Variants in APBA2 observed in about 807,000 individuals in gnomAD.
The protein encoded by APBA2 is amyloid-beta A4 precursor protein-binding family A member 2.
A neutral mutation model predicts 75.0 loss-of-function variants in APBA2; 30 were observed. That is an observed-to-expected ratio of 0.40 (90% confidence interval 0.30 to 0.54). APBA2 has a LOEUF of 0.54. Among genes scored for constraint, APBA2 ranks in the 20% least tolerant of loss-of-function variants. APBA2 has a pLI of 0.49. For missense variants in APBA2, 801 were observed against 1,016.1 expected, an observed-to-expected ratio of 0.79 and a Z score of 2.88; for synonymous variants, 444 against 409.6, an observed-to-expected ratio of 1.08 and a Z score of -1.01.
At position 29,061,953 on chromosome 15, in the gene APBA2, A is replaced by T. The variant is rs548412643; in HGVS notation, c.951+7118A>T. On this transcript the variant is annotated intron_variant, in intron 4 of 14. Coordinates refer to ENST00000683413, the MANE Select transcript of APBA2 (RefSeq NM_001353788.2). ...GTGTGGTGGGGCAGCAGGTGTGCAG[A>T]TGGGGTGGTCCTGCACAGAGGGGCT... Among the ~76,000 whole-genome samples the T allele has an allele frequency of 2.2e-3, 341 of 152,224 alleles. 2 individuals carry two copies. Among genetic ancestry groups the T allele is most frequent in the African/African-American group, 7.9e-3 (329 of 41,518 alleles).
intron 1 of APBA2, among the ~76,000 whole-genome samples, chr15:28,896,312 T>C (rs2032483609): frequency 6.6e-6 from 1 of 152,166 alleles, no homozygotes; most frequent in South Asian, 2.1e-4. Context: ...CAGAGTCTCA[T>C]TCTGTCGCCC....
chr15:28,972,134 C>T (rs2037101675), intron 2 of APBA2, among the ~76,000 whole-genome samples: 1 of 151,966 alleles, frequency 6.6e-6, no homozygotes, highest in African/African-American at 2.4e-5. Flanking sequence ...GATAAGGTTC[C>T]CCAAAGGGAT....
intron 6 of APBA2, among the ~76,000 whole-genome samples, chr15:29,088,989 C>T (rs991335650): frequency 1.3e-5 from 2 of 152,182 alleles, no homozygotes; most frequent in Admixed American, 6.5e-5. Flanking sequence ...TTGATTCCTT[C>T]TCCTCCTCCA....
At chr15:28,929,278 C>CCT (rs1410759738) in intron 2 of APBA2, among the ~76,000 whole-genome samples, 4 of 152,178 alleles carry the variant, frequency 2.6e-5, no homozygotes, top group African/African-American at 9.7e-5. Flanking sequence ...CACAAGACAG[C>CCT]CTGGCACATT....
At chr15:28,943,075 C>T (rs751008913) in intron 2 of APBA2, among the ~76,000 whole-genome samples, 8 of 152,344 alleles carry the variant, frequency 5.3e-5, no homozygotes, top group African/African-American at 7.2e-5. Context: ...TCCTTCCTCA[C>T]GCGGTTCCTT....
chr15:28,951,412 C>T (rs1164809248), intron 2 of APBA2, among the ~76,000 whole-genome samples: 1 of 152,124 alleles, frequency 6.6e-6, no homozygotes, highest in Non-Finnish European at 1.5e-5. Flanking sequence ...TCAGCTATTT[C>T]TGCAAGGATC....
At chr15:29,110,739 C>G (rs2044682410) in intron 13 of APBA2, among the ~76,000 whole-genome samples, 1 of 152,114 alleles carries the variant, frequency 6.6e-6, no homozygotes, top group Non-Finnish European at 1.5e-5. Flanking sequence ...GGGAAGGACT[C>G]CGGTTTGTGT....
intron 6 of APBA2, among the ~76,000 whole-genome samples, chr15:29,081,026 T>G (rs1481133591): frequency 6.6e-6 from 1 of 152,186 alleles, no homozygotes; most frequent in Non-Finnish European, 1.5e-5. Context: ...CAGCTCCGTG[T>G]GGATCATGTG....
chr15:29,014,049 C>T (rs114240977), intron 3 of APBA2, among the ~76,000 whole-genome samples: 1,577 of 152,312 alleles, frequency 0.01, 28 homozygotes, highest in African/African-American at 0.035. Flanking sequence ...TTTGTGTCAT[C>T]TACAGTTCTG....
At chr15:29,038,451 G>C (rs1010435232) in intron 3 of APBA2, among the ~76,000 whole-genome samples, 8 of 152,128 alleles carry the variant, frequency 5.3e-5, no homozygotes, top group African/African-American at 1.9e-4. Flanking sequence ...GTATGGGTTG[G>C]TTTCCTGTCC....
At chr15:28,906,048 AC>A (rs2033116199) in intron 1 of APBA2, among the ~76,000 whole-genome samples, 1 of 151,790 alleles carries the variant, frequency 6.6e-6, no homozygotes, top group African/African-American at 2.4e-5. Flanking sequence ...GAAATATTTT[AC>A]TTGTCTTTTA....
At chr15:28,987,268 A>T (rs1346422893) in intron 2 of APBA2, among the ~76,000 whole-genome samples, 1 of 152,234 alleles carries the variant, frequency 6.6e-6, no homozygotes, top group African/African-American at 2.4e-5. Context: ...GCCAACACTT[A>T]GTGGTATAAA....
chr15:29,076,396 T>C (rs2042852429), intron 6 of APBA2, among the ~76,000 whole-genome samples: 1 of 152,048 alleles, frequency 6.6e-6, no homozygotes, highest in African/African-American at 2.4e-5. Context: ...TATAAGCAGC[T>C]GGTTATAGCT....
intron 1 of APBA2, among the ~76,000 whole-genome samples, chr15:28,894,629 A>G (rs2032348606): frequency 6.6e-6 from 1 of 152,154 alleles, no homozygotes; most frequent in Non-Finnish European, 1.5e-5. Context: ...TGGGGGTTGG[A>G]GGGCAGTTGC....
intron 13 of APBA2, 140 bp from the exon 14 acceptor site, chr15:29,113,736 G>C (rs542624750): frequency 2.8e-6 from 3 of 1,056,314 alleles, no homozygotes; most frequent in African/African-American, 3.2e-5. Flanking sequence ...AAGGATCTCT[G>C]TCTGTGAGTC....
chr15:29,100,021 A>C (rs2044039460), intron 9 of APBA2, among the ~76,000 whole-genome samples: 1 of 152,204 alleles, frequency 6.6e-6, no homozygotes, highest in Non-Finnish European at 1.5e-5. Flanking sequence ...CATGCAAATT[A>C]AAGCTGTTGG....
chr15:28,900,461 C>T (rs151044530), intron 1 of APBA2, among the ~76,000 whole-genome samples: 11,838 of 152,244 alleles, frequency 0.078, 1,580 homozygotes, highest in African/African-American at 0.27. Flanking sequence ...TGACACATCA[C>T]AGTTGCTCAA....
chr15:28,888,374 T>G (rs1195187295), intron 1 of APBA2, among the ~76,000 whole-genome samples: 1 of 152,214 alleles, frequency 6.6e-6, no homozygotes, highest in African/African-American at 2.4e-5. Flanking sequence ...GATGGTGAGG[T>G]TGGCATCAGG....
chr15:28,995,348 C>A (rs2038459676), intron 2 of APBA2, among the ~76,000 whole-genome samples: 1 of 152,152 alleles, frequency 6.6e-6, no homozygotes, highest in Admixed American at 6.5e-5. Context: ...CCCCGCCCAC[C>A]CCCATATGCA....
Sources: allele counts gnomAD v4.1 joint callset (sites outside exome capture counted in the v4.1 genomes callset), GRCh38; gene constraint gnomAD v4.1.1; transcripts MANE v1.5; gene names NCBI Gene and HGNC (gene_info 2026-07-23, HGNC 2026-07-21).